The following SPATA6 variants were observed in gnomAD, a reference collection of about 807,000 sequenced individuals.
SPATA6 encodes the protein spermatogenesis-associated protein 6.
Under a neutral mutation model 65.3 loss-of-function variants are expected in SPATA6, and 56 were observed. The ratio of observed to expected loss-of-function variants is 0.86; its 90% confidence interval spans 0.69 to 1.07. SPATA6 has a LOEUF of 1.07. Ranked by LOEUF, SPATA6 falls within the 50% of genes least tolerant of loss-of-function variation. The pLI is 0.00. For missense variants in SPATA6, 590 were observed against 594.8 expected, an observed-to-expected ratio of 0.99 and a Z score of 0.08; for synonymous variants, 199 against 213.2, an observed-to-expected ratio of 0.93 and a Z score of 0.58.
At chr1:48,347,217 G>A (rs1359947008) in intron 11 of SPATA6, among the ~76,000 whole-genome samples, 9 of 151,568 alleles carry the variant, frequency 5.9e-5, no homozygotes, top group Non-Finnish European at 2.9e-5. Context: ...CAATGGGGAA[G>A]GGATTCACTA....
chr1:48,268,791 G>T, the SPATA6 span, among the ~76,000 whole-genome samples: 1 of 152,152 alleles, frequency 6.6e-6, no homozygotes, highest in Admixed American at 6.5e-5. Flanking sequence ...CTGAAATAAT[G>T]ACACTAAGGC....
At chr1:48,443,342 C>T (rs11205484) in intron 3 of SPATA6, among the ~76,000 whole-genome samples, 47,164 of 152,066 alleles carry the variant, frequency 0.31, 8,964 homozygotes, top group Middle Eastern at 0.44. Context: ...CCTATCAGTG[C>T]CCCACAAAGC....
At chr1:48,378,177 T>C (rs966109241) in intron 9 of SPATA6, among the ~76,000 whole-genome samples, 2 of 152,212 alleles carry the variant, frequency 1.3e-5, no homozygotes, top group Non-Finnish European at 2.9e-5. Context: ...CCCCAATGAG[T>C]TTACCAGTTG....
chr1:48,355,709 AT>A lies in SPATA6; in HGVS notation c.1154del (p.Asn385MetfsTer3), dbSNP rs1437710788. On this transcript the variant is annotated frameshift_variant, in exon 11 of 13. Transcript: ENST00000371847. LOFTEE classifies it high-confidence loss of function. Reference sequence around the variant, plus strand: ...GATGAGCCTGATGTGATTTCAAGACATTTTTTACCCGGTCATGGATCTCATC... The same window carrying A: ...GATGAGCCTGATGTGATTTCAAGACATTTTTACCCGGTCATGGATCTCATC... ...NCDEIHDRVKNVLKSHQAHQR... is the reference protein window; with the variant it reads ...NCDEIHDRVKXVLKSHQAHQR... 5 of 1,613,284 alleles carry A rather than the reference AT, an allele frequency of 3.1e-6. No individual in the cohort carries two copies. The South Asian group carries it at 4.4e-5, about 14-fold the overall frequency.
At chr1:48,456,828 G>A (rs778666336) in intron 1 of SPATA6, among the ~76,000 whole-genome samples, 30 of 152,250 alleles carry the variant, frequency 2.0e-4, no homozygotes, top group Middle Eastern at 6.8e-3. Context: ...AAATTATCCA[G>A]TCTGATTAAC....
chr1:48,331,061 G>C (rs985024074), intron 11 of SPATA6, among the ~76,000 whole-genome samples: 2 of 152,002 alleles, frequency 1.3e-5, no homozygotes, highest in African/African-American at 4.8e-5. Flanking sequence ...CATTAAAGAA[G>C]AAAAAAGCAA....
intron 2 of SPATA6, among the ~76,000 whole-genome samples, chr1:48,452,110 C>G (rs1487290545): frequency 6.6e-6 from 1 of 152,064 alleles, no homozygotes; most frequent in Non-Finnish European, 1.5e-5. Flanking sequence ...TTGTCTGTTT[C>G]CCCCATTACA....
intron 12 of SPATA6, among the ~76,000 whole-genome samples, chr1:48,301,572 G>A (rs78288912): frequency 0.046 from 6,868 of 150,858 alleles, 434 homozygotes; most frequent in East Asian, 0.17. Flanking sequence ...AATAGCCAAA[G>A]CAATCCTGAG....
chr1:48,340,637 A>G (rs892255282), intron 11 of SPATA6, among the ~76,000 whole-genome samples: 1 of 151,922 alleles, frequency 6.6e-6, no homozygotes, highest in Admixed American at 6.6e-5. Context: ...ATAAAGTATG[A>G]AGGAGATAAA....
chr1:48,399,211 A>T, intron 7 of SPATA6, 140 bp downstream of exon 7: 1 of 1,010,892 alleles, frequency 9.9e-7, no homozygotes, highest in Non-Finnish European at 1.4e-6. Context: ...TTAATTTCCC[A>T]TCTTAGACTG....
At chr1:48,377,616 G>T (rs548566383) in intron 9 of SPATA6, among the ~76,000 whole-genome samples, 2 of 152,276 alleles carry the variant, frequency 1.3e-5, no homozygotes, top group Admixed American at 6.5e-5. Context: ...GAATGTTTGT[G>T]ATTTTCTTAG....
At chr1:48,372,104 A>G (rs1385149783) in intron 9 of SPATA6, among the ~76,000 whole-genome samples, 2 of 152,002 alleles carry the variant, frequency 1.3e-5, no homozygotes, top group East Asian at 1.9e-4. Context: ...TTCAAAACCA[A>G]TCATGCCTTC....
At chr1:48,356,208 A>C (rs568801652) in intron 10 of SPATA6, among the ~76,000 whole-genome samples, 93 of 152,272 alleles carry the variant, frequency 6.1e-4, no homozygotes, top group Non-Finnish European at 2.1e-4. Flanking sequence ...AGATGATATT[A>C]TCTCTCTAGT....
At chr1:48,337,800 G>GA (rs1411467781) in intron 11 of SPATA6, among the ~76,000 whole-genome samples, 1 of 151,876 alleles carries the variant, frequency 6.6e-6, no homozygotes, top group Admixed American at 6.6e-5. Context: ...CCTATGAAAT[G>GA]AAAACTATGT....
At chr1:48,280,457 G>C in the SPATA6 span, among the ~76,000 whole-genome samples, 2 of 152,042 alleles carry the variant, frequency 1.3e-5, no homozygotes, top group Non-Finnish European at 2.9e-5. Context: ...AAGAAGAAAA[G>C]AGAGAAGAAT....
intron 11 of SPATA6, among the ~76,000 whole-genome samples, chr1:48,321,439 T>C (rs1407308379): frequency 1.4e-4 from 22 of 152,152 alleles, no homozygotes; most frequent in Admixed American, 1.4e-3. Context: ...AAGTTCACTA[T>C]ATAATGATAA....
At chr1:48,371,406 A>G (rs1010412172) in intron 9 of SPATA6, among the ~76,000 whole-genome samples, 1 of 152,226 alleles carries the variant, frequency 6.6e-6, no homozygotes, top group Non-Finnish European at 1.5e-5. Context: ...TTTTTTATTT[A>G]CTGCATATAA....
intron 3 of SPATA6, among the ~76,000 whole-genome samples, chr1:48,418,966 C>T (rs956992236): frequency 3.9e-5 from 6 of 151,958 alleles, no homozygotes; most frequent in South Asian, 2.1e-4. Context: ...TCTTAGGATA[C>T]GCTCAGTTTC....
chr1:48,329,959 A>T (rs1645868497), intron 11 of SPATA6, among the ~76,000 whole-genome samples: 1 of 152,170 alleles, frequency 6.6e-6, no homozygotes, highest in Non-Finnish European at 1.5e-5. Flanking sequence ...TGCAGGGGGA[A>T]CTTCTGAGTC....
Sources: gnomAD v4.1 joint callset for allele counts (sites outside exome capture counted in the v4.1 genomes callset) on GRCh38, gnomAD v4.1.1 for gene constraint, MANE v1.5 for transcripts, NCBI Gene and HGNC (gene_info 2026-07-23, HGNC 2026-07-21) for gene names.